ANKRD30BL: variants seen among roughly 807,000 people sequenced by gnomAD.
The protein encoded by ANKRD30BL is ankyrin repeat domain 30B like.
A neutral mutation model predicts 18.4 loss-of-function variants in ANKRD30BL; 20 were observed. The observed-to-expected ratio is 1.09, with a 90% CI of 0.77 to 1.58. The LOEUF is 1.58. Ranked by LOEUF, ANKRD30BL falls within the 40% of genes most tolerant of loss-of-function variation. The pLI, the probability that ANKRD30BL is intolerant of heterozygous loss-of-function variation, is 0.00. For missense variants in ANKRD30BL, 224 were observed against 268.6 expected (o/e 0.83, Z 1.16); for synonymous variants, 72 against 100.9 (o/e 0.71, Z 1.72).
chr2:132,248,774 T>C (rs1312030158), intron 1 of ANKRD30BL, among the ~76,000 whole-genome samples: 1 of 152,074 alleles, frequency 6.6e-6, no homozygotes, highest in Non-Finnish European at 1.5e-5. Flanking sequence ...TTTATAGTTT[T>C]TATTGAAGAT....
intron 1 of ANKRD30BL, among the ~76,000 whole-genome samples, chr2:132,194,755 T>C (rs1298700376): frequency 6.6e-6 from 1 of 152,166 alleles, no homozygotes; most frequent in Non-Finnish European, 1.5e-5. Flanking sequence ...TTAATTCAAG[T>C]CATATGATCA....
chr2:132,157,978 G>A (rs12616937), intron 1 of ANKRD30BL, among the ~76,000 whole-genome samples: 15,342 of 152,078 alleles, frequency 0.1, 1,781 homozygotes, highest in African/African-American at 0.27. Context: ...TCTATTTCTC[G>A]TATTTTAACA....
chr2:132,257,200 C>G (rs1457345355), intron 1 of ANKRD30BL: 7 of 416,872 alleles, frequency 1.7e-5, no homozygotes, highest in Admixed American at 2.8e-5. Flanking sequence ...CCCGGTCAAG[C>G]TCCAGGAGAC....
At chr2:132,217,714 T>C (rs910298632) in intron 1 of ANKRD30BL, among the ~76,000 whole-genome samples, 3 of 152,300 alleles carry the variant, frequency 2.0e-5, no homozygotes, top group African/African-American at 4.8e-5. Flanking sequence ...AACCCCCTTT[T>C]TGTAGAATCT....
chr2:132,236,254 A>T (rs1237392180), intron 1 of ANKRD30BL, among the ~76,000 whole-genome samples: 1 of 151,206 alleles, frequency 6.6e-6, no homozygotes, highest in East Asian at 1.9e-4. Flanking sequence ...AAACATAGGC[A>T]TTACCATTCA....
At chr2:132,171,141 C>G (rs1251255521) in intron 1 of ANKRD30BL, among the ~76,000 whole-genome samples, 1 of 138,948 alleles carries the variant, frequency 7.2e-6, no homozygotes, top group Non-Finnish European at 1.5e-5. Context: ...GGAGACAGAG[C>G]CAGACTCTGT....
At chr2:132,233,511 A>T (rs1449288540) in intron 1 of ANKRD30BL, among the ~76,000 whole-genome samples, 1 of 144,372 alleles carries the variant, frequency 6.9e-6, no homozygotes, top group Non-Finnish European at 1.5e-5. Context: ...CAAATGGAAA[A>T]CAAAAAAAGG....
chr2:132,223,930 C>T (rs372165809), intron 1 of ANKRD30BL, among the ~76,000 whole-genome samples: 3 of 148,976 alleles, frequency 2.0e-5, no homozygotes, highest in Non-Finnish European at 3.0e-5. Context: ...ATATTTGGAA[C>T]GCTTTGAGGC....
chr2:132,218,440 A>G (rs1267371522), intron 1 of ANKRD30BL, among the ~76,000 whole-genome samples: 3 of 151,146 alleles, frequency 2.0e-5, no homozygotes, highest in African/African-American at 7.3e-5. Context: ...TTTGAGGCCT[A>G]TGGTGGAAAA....
intron 1 of ANKRD30BL, among the ~76,000 whole-genome samples, chr2:132,233,952 C>G (rs1166948704): frequency 6.6e-6 from 1 of 152,090 alleles, no homozygotes; most frequent in African/African-American, 2.4e-5. Context: ...CTCTCCTCAG[C>G]AAATGTAAAA....
intron 1 of ANKRD30BL, among the ~76,000 whole-genome samples, chr2:132,234,327 A>T (rs1680095320): frequency 6.6e-6 from 1 of 152,166 alleles, no homozygotes; most frequent in Admixed American, 6.6e-5. Flanking sequence ...GGCAAGAAAT[A>T]ACTAAAATCA....
upstream of ANKRD30BL, among the ~76,000 whole-genome samples, chr2:132,165,469 G>C (rs180770463): frequency 6.9e-6 from 1 of 144,352 alleles, no homozygotes; most frequent in African/African-American, 2.6e-5. Context: ...CGAGGCGGTC[G>C]CATTGCCTGA....
intron 1 of ANKRD30BL, among the ~76,000 whole-genome samples, chr2:132,186,200 T>C (rs1688556957): frequency 6.6e-6 from 1 of 151,940 alleles, no homozygotes; most frequent in Non-Finnish European, 1.5e-5. Context: ...CTATTAGATA[T>C]TTTTTATCTC....
At chr2:132,244,690 A>C (rs1680442091) in intron 1 of ANKRD30BL, among the ~76,000 whole-genome samples, 2 of 152,400 alleles carry the variant, frequency 1.3e-5, no homozygotes, top group Non-Finnish European at 2.9e-5. Flanking sequence ...GTTTTTAAAC[A>C]CTCTTTTTGT....
chr2:132,241,026 G>C (rs921079354), intron 1 of ANKRD30BL, among the ~76,000 whole-genome samples: 3 of 151,976 alleles, frequency 2.0e-5, no homozygotes, highest in African/African-American at 7.2e-5. Flanking sequence ...CTAGACAGAA[G>C]CATTCTCAGA....
At chr2:132,223,455 C>T (rs113465278) in intron 1 of ANKRD30BL, among the ~76,000 whole-genome samples, 34 of 151,622 alleles carry the variant, frequency 2.2e-4, no homozygotes, top group Admixed American at 2.2e-3. Flanking sequence ...AATATCTTCC[C>T]ATAGAAACTA....
chr2:132,256,238 T>A (rs933197125), intron 1 of ANKRD30BL, among the ~76,000 whole-genome samples: 4 of 151,192 alleles, frequency 2.6e-5, no homozygotes, highest in African/African-American at 9.7e-5. Flanking sequence ...GAGCCCGGCG[T>A]CCCAGTTGCG....
At chr2:132,178,516 G>C (rs10171885) in intron 1 of ANKRD30BL, among the ~76,000 whole-genome samples, 57,797 of 151,700 alleles carry the variant, frequency 0.38, 11,484 homozygotes, top group South Asian at 0.46. Context: ...GTACTGATGT[G>C]AACATGGAAG....
At chr2:132,220,503 GCAGGCGCGCGTCGC>G (rs1679645079) in intron 1 of ANKRD30BL, among the ~76,000 whole-genome samples, 1 of 152,030 alleles carries the variant, frequency 6.6e-6, no homozygotes, top group African/African-American at 2.4e-5. Context: ...GCCTGTGATT[GCAGGCGCGCGTCGC>G]CACGCCTGAC....
Sources: gnomAD v4.1 joint callset for allele counts (sites outside exome capture counted in the v4.1 genomes callset) on GRCh38, gnomAD v4.1.1 for gene constraint, MANE v1.5 for transcripts, NCBI Gene and HGNC (gene_info 2026-07-23, HGNC 2026-07-21) for gene names.